The following PACRG variants were observed in gnomAD, a reference collection of about 807,000 sequenced individuals.
The protein encoded by PACRG is parkin coregulated.
PACRG carries 29 observed loss-of-function variants against 29.7 expected under a neutral mutation model. The observed-to-expected ratio is 0.98, with a 90% CI of 0.73 to 1.33. The LOEUF (loss-of-function observed/expected upper bound fraction) is 1.33, where lower values mean the gene tolerates loss of function less well. Among genes scored for constraint, PACRG ranks in the 40% most tolerant of loss-of-function variants. PACRG has a pLI of 0.00. For missense variants in PACRG, 279 were observed against 316.2 expected, an observed-to-expected ratio of 0.88 and a Z score of 0.89; for synonymous variants, 116 against 118.7, an observed-to-expected ratio of 0.98 and a Z score of 0.15.
intron 2 of PACRG, among the ~76,000 whole-genome samples, chr6:162,893,629 A>C (rs532665360): frequency 6.6e-6 from 1 of 152,250 alleles, no homozygotes; most frequent in South Asian, 2.1e-4. Flanking sequence ...TCTTCCCCAA[A>C]ACGTGCTTTC....
chr6:162,832,990 T>C (rs1005056959), intron 2 of PACRG, among the ~76,000 whole-genome samples: 4 of 152,128 alleles, frequency 2.6e-5, no homozygotes, highest in Non-Finnish European at 5.9e-5. Flanking sequence ...GAAATGAAGA[T>C]TTAATCAACA....
chr6:163,296,313 C>T lies in PACRG; in HGVS notation c.614-18514C>T, dbSNP rs141411179. Reference sequence around the variant, plus strand: ...ACCTTCAGGCATTTTTTTTTTGAGACGGAATCTCGCCCTGTCGCCCAGGCC... The same window carrying T: ...ACCTTCAGGCATTTTTTTTTTGAGATGGAATCTCGCCCTGTCGCCCAGGCC... On this transcript the variant is annotated intron_variant, in intron 4 of 4. Transcript: ENST00000366888. Among the ~76,000 whole-genome samples the T allele has an allele frequency of 5.8e-4, 88 of 151,722 alleles. No homozygotes were observed. In the East Asian group the frequency reaches 0.015, roughly 26 times the overall value.
At chr6:162,989,741 C>CTTTT (rs1170736934) in intron 2 of PACRG, among the ~76,000 whole-genome samples, 1 of 132,108 alleles carries the variant, frequency 7.6e-6, no homozygotes, top group Non-Finnish European at 1.6e-5. Context: ...TTTTTCTTTT[C>CTTTT]TTTTTTTTTA....
At chr6:162,901,625 A>T (rs1795566216) in intron 2 of PACRG, among the ~76,000 whole-genome samples, 1 of 152,258 alleles carries the variant, frequency 6.6e-6, no homozygotes, top group African/African-American at 2.4e-5. Flanking sequence ...AAAACAACGT[A>T]TTCAAATCCT....
At chr6:162,781,049 G>C (rs976115) in intron 1 of PACRG, among the ~76,000 whole-genome samples, 99,566 of 151,618 alleles carry the variant, frequency 0.66, 33,281 homozygotes, top group South Asian at 0.82. Context: ...TCAGTAAAAC[G>C]CAAACACAAG....
chr6:162,951,203 G>A (rs1317585879), intron 2 of PACRG, among the ~76,000 whole-genome samples: 2 of 152,214 alleles, frequency 1.3e-5, no homozygotes, highest in Non-Finnish European at 2.9e-5. Context: ...ATGCAATGAT[G>A]TTCTACAGAA....
chr6:163,197,781 C>T (rs948440671), intron 4 of PACRG, among the ~76,000 whole-genome samples: 2 of 152,118 alleles, frequency 1.3e-5, no homozygotes, highest in African/African-American at 4.8e-5. Context: ...AATGTTCTCT[C>T]TTTACCTTCC....
intron 4 of PACRG, among the ~76,000 whole-genome samples, chr6:163,173,750 G>C (rs1779210083): frequency 3.3e-5 from 5 of 152,224 alleles, no homozygotes; most frequent in African/African-American, 7.2e-5. Context: ...ACCTCAATGG[G>C]TGTCTGCAAG....
chr6:163,290,278 G>GCGCGCACA (rs1554242204), intron 4 of PACRG, among the ~76,000 whole-genome samples: 13 of 114,562 alleles, frequency 1.1e-4, no homozygotes, highest in South Asian at 2.9e-4. Flanking sequence ...GCGCGCGCGC[G>GCGCGCACA]CACACACACA....
chr6:163,107,080 A>G (rs1815423025), intron 4 of PACRG, among the ~76,000 whole-genome samples: 1 of 152,192 alleles, frequency 6.6e-6, no homozygotes, highest in Admixed American at 6.5e-5. Flanking sequence ...GAGAATGAGA[A>G]AGAGAAACAG....
intron 2 of PACRG, among the ~76,000 whole-genome samples, chr6:162,836,406 C>T (rs957439645): frequency 6.6e-6 from 1 of 152,060 alleles, no homozygotes; most frequent in African/African-American, 2.4e-5. Context: ...TGTTGCTTGG[C>T]GCGTTGGCCC....
At chr6:162,823,400 A>G (rs1304033543) in intron 2 of PACRG, among the ~76,000 whole-genome samples, 1 of 152,094 alleles carries the variant, frequency 6.6e-6, no homozygotes, top group African/African-American at 2.4e-5. Flanking sequence ...CTTAGAACAA[A>G]TATTACATGT....
intron 4 of PACRG, among the ~76,000 whole-genome samples, chr6:163,121,484 A>G (rs367972930): frequency 3.9e-5 from 6 of 152,054 alleles, no homozygotes; most frequent in South Asian, 2.1e-4. Flanking sequence ...TAGGTTTGCA[A>G]TCACTCTTAC....
chr6:162,922,205 G>C (rs1797114516), intron 2 of PACRG, among the ~76,000 whole-genome samples: 1 of 149,872 alleles, frequency 6.7e-6, no homozygotes, highest in Non-Finnish European at 1.5e-5. Context: ...GTGCCTGGGG[G>C]GTCTTAAGGA....
At chr6:163,232,385 T>C (rs1303879561) in intron 4 of PACRG, among the ~76,000 whole-genome samples, 1 of 152,108 alleles carries the variant, frequency 6.6e-6, no homozygotes, top group African/African-American at 2.4e-5. Flanking sequence ...AGCTCCAGCC[T>C]GCGTGTCAGA....
intron 2 of PACRG, among the ~76,000 whole-genome samples, chr6:162,920,590 A>G (rs916511026): frequency 1.3e-5 from 2 of 152,202 alleles, no homozygotes; most frequent in African/African-American, 4.8e-5. Flanking sequence ...TTATTAATCC[A>G]TCTGCATTCC....
intron 4 of PACRG, among the ~76,000 whole-genome samples, chr6:163,177,162 G>C (rs1779400661): frequency 6.6e-6 from 1 of 152,194 alleles, no homozygotes; most frequent in African/African-American, 2.4e-5. Flanking sequence ...GACGCCCCAA[G>C]GCACACACAG....
At chr6:163,081,707 G>C (rs1384361398) in intron 3 of PACRG, among the ~76,000 whole-genome samples, 2 of 152,048 alleles carry the variant, frequency 1.3e-5, no homozygotes. Flanking sequence ...AGTGGGCTAT[G>C]ATCACACCAC....
intron 4 of PACRG, among the ~76,000 whole-genome samples, chr6:163,122,808 A>C (rs537145505): frequency 6.6e-6 from 1 of 152,360 alleles, no homozygotes; most frequent in South Asian, 2.1e-4. Flanking sequence ...GTGAGTTTGG[A>C]GGTATACATA....
Sources: allele counts gnomAD v4.1 joint callset (sites outside exome capture counted in the v4.1 genomes callset), GRCh38; gene constraint gnomAD v4.1.1; transcripts MANE v1.5; gene names NCBI Gene and HGNC (gene_info 2026-07-23, HGNC 2026-07-21).